CSMD1: variants seen among roughly 807,000 people sequenced by gnomAD.
CSMD1 encodes the protein CUB and sushi domain-containing protein 1.
Under a neutral mutation model 417.5 loss-of-function variants are expected in CSMD1, and 213 were observed. That is an observed-to-expected ratio of 0.51 (90% CI 0.46 to 0.57). The LOEUF is 0.57. Among genes scored for constraint, CSMD1 ranks in the 20% least tolerant of loss-of-function variants. The pLI, the probability that CSMD1 is intolerant of heterozygous loss-of-function variation, is 0.00. For missense variants in CSMD1, 6,923 were observed against 4,529.7 expected, an observed-to-expected ratio of 1.53 and a Z score of -15.17; for synonymous variants, 2,862 against 1,736.8, an observed-to-expected ratio of 1.65 and a Z score of -16.11.
intron 1 of CSMD1, among the ~76,000 whole-genome samples, chr8:4,755,546 G>C (rs1249334156): frequency 2.0e-5 from 3 of 152,010 alleles, no homozygotes; most frequent in Non-Finnish European, 4.4e-5. Context: ...CACCTGTCCT[G>C]ATTTTCTATT....
chr8:3,412,314 C>G (rs1266367677), intron 12 of CSMD1, among the ~76,000 whole-genome samples: 1 of 151,812 alleles, frequency 6.6e-6, no homozygotes, highest in Non-Finnish European at 1.5e-5. Flanking sequence ...GTGCAAGTAT[C>G]TTTTTCATAA....
At chr8:3,910,092 A>G (rs960897262) in intron 5 of CSMD1, among the ~76,000 whole-genome samples, 9 of 152,162 alleles carry the variant, frequency 5.9e-5, no homozygotes, top group Admixed American at 2.6e-4. Context: ...GGCATTGGGG[A>G]AAGGAGAACG....
At chr8:4,600,918 T>C (rs1003786146) in intron 2 of CSMD1, among the ~76,000 whole-genome samples, 1 of 151,936 alleles carries the variant, frequency 6.6e-6, no homozygotes, top group Admixed American at 6.6e-5. Context: ...ATTAAAGTAA[T>C]GTAAAAATGC....
chr8:4,003,116 TGGCGCGGTG>T (rs1815824394), intron 4 of CSMD1, among the ~76,000 whole-genome samples: 1 of 152,156 alleles, frequency 6.6e-6, no homozygotes, highest in Non-Finnish European at 1.5e-5. Context: ...GATACAGGCT[TGGCGCGGTG>T]GCTGATGCCT....
intron 5 of CSMD1, among the ~76,000 whole-genome samples, chr8:3,849,381 A>T (rs1015020895): frequency 2.0e-5 from 3 of 152,164 alleles, no homozygotes; most frequent in Non-Finnish European, 4.4e-5. Flanking sequence ...AGCTGCCATC[A>T]CAGGCGCCAA....
intron 27 of CSMD1, among the ~76,000 whole-genome samples, chr8:3,225,994 C>G (rs770578298): frequency 3.5e-4 from 53 of 152,368 alleles, no homozygotes; most frequent in Admixed American, 9.1e-4. Context: ...CCACTATGCT[C>G]AACAGCACAC....
At chr8:4,657,721 GAA>G (rs566573120) in intron 1 of CSMD1, among the ~76,000 whole-genome samples, 1 of 118,940 alleles carries the variant, frequency 8.4e-6, no homozygotes, top group Non-Finnish European at 1.8e-5. Context: ...CAAAAGAAAT[GAA>G]AAAAAAAAAA....
In CSMD1 at chr8:3,586,275, A is replaced by AAC; in HGVS notation, c.1098-16_1098-15insGT. On this transcript the variant is annotated splice_polypyrimidine_tract_variant and intron_variant, in intron 8 of 69. Transcript: ENST00000635120. ...TTGCACCAACCCTAAGCCGTTAAAA[A>AAC]AGAAAAAAAAAAACCCAAATTATTT... 6.6e-7 allele frequency: 1 copy of AAC among 1,506,890 alleles called. No individual in the cohort carries two copies. The highest frequency in any genetic ancestry group is 8.8e-7 in the Non-Finnish European group (1 of 1,134,356). The allele number at this position is 1,506,890 out of a possible 1,614,324, so 93.3% of individuals were successfully genotyped here.
In CSMD1 at chr8:4,957,142, G is replaced by A. The variant is rs556257222; in HGVS notation, c.85+37190C>T. ...AGAGTAATAAAAGCAAATGAAATCT[G>A]GCAATTAGGTAAAAACAGTTTGTGA... On this transcript the variant is annotated intron_variant, in intron 1 of 69. Transcript: ENST00000635120. 1.8e-4 allele frequency among the ~76,000 whole-genome samples: 28 copies of A among 152,268 alleles called. No homozygotes were observed. In the South Asian group the frequency reaches 3.7e-3, roughly 20 times the overall value.
At chr8:3,649,114 T>G (rs1225548472) in intron 7 of CSMD1, among the ~76,000 whole-genome samples, 3 of 152,210 alleles carry the variant, frequency 2.0e-5, no homozygotes, top group Non-Finnish European at 2.9e-5. Context: ...AGTGATTCAG[T>G]AGCAATACTG....
rs1814139667 is a variant in CSMD1 at position 3,082,031 on chromosome 8, G to C, written c.7474+5066C>G. 2.0e-5 allele frequency among the ~76,000 whole-genome samples: 3 copies of C among 152,122 alleles called. No individual in the cohort carries two copies. In the South Asian group the frequency reaches 6.2e-4, roughly 31 times the overall value. ...GCAATCATGTCCCCCACCAACATAT[G>C]TCATCCCAGATTTATCTCTTCCTTT... On this transcript the variant is annotated intron_variant, in intron 49 of 69. Coordinates refer to ENST00000635120, the MANE Select transcript of CSMD1 (RefSeq NM_033225.6).
At chr8:4,651,506 A>C (rs1289254855) in intron 1 of CSMD1, among the ~76,000 whole-genome samples, 4 of 152,200 alleles carry the variant, frequency 2.6e-5, no homozygotes, top group African/African-American at 9.7e-5. Flanking sequence ...GGATCACAGA[A>C]GAAAAAATAA....
chr8:4,922,123 C>G lies in CSMD1; in HGVS notation c.85+72209G>C, dbSNP rs373538136. Among the ~76,000 whole-genome samples the G allele has an allele frequency of 5.9e-5, 9 of 152,108 alleles. No homozygotes were observed. The South Asian group carries it at 1.7e-3, about 28-fold the overall frequency. ...CAGGAAGTCACTCTGGTGAGATTAC[C>G]CATTGCCTTGCAGGTATCTCCCACC... On this transcript the variant is annotated intron_variant, in intron 1 of 69. Coordinates refer to ENST00000635120, the MANE Select transcript of CSMD1 (RefSeq NM_033225.6).
intron 2 of CSMD1, among the ~76,000 whole-genome samples, chr8:4,459,023 TC>T (rs1799652275): frequency 6.6e-6 from 1 of 152,210 alleles, no homozygotes; most frequent in Admixed American, 6.5e-5. Flanking sequence ...CAGCCTGCTT[TC>T]TTCCCCTTAT....
chr8:4,569,627 G>C (rs1798785983), intron 2 of CSMD1, among the ~76,000 whole-genome samples: 9 of 152,096 alleles, frequency 5.9e-5, no homozygotes, highest in Admixed American at 5.9e-4. Context: ...AGCTATACGG[G>C]CTCTTTTTTG....
intron 68 of CSMD1, among the ~76,000 whole-genome samples, 167 bp downstream of exon 68, chr8:2,949,132 T>A (rs1200014370): frequency 6.7e-6 from 1 of 149,458 alleles, no homozygotes; most frequent in African/African-American, 2.5e-5. Flanking sequence ...GTTTGTGTAT[T>A]TTGCTATTCA....
intron 1 of CSMD1, among the ~76,000 whole-genome samples, chr8:4,777,757 A>C (rs753037618): frequency 2.0e-5 from 3 of 152,202 alleles, no homozygotes; most frequent in Non-Finnish European, 2.9e-5. Context: ...ATACATGCAC[A>C]TGTATCTACA....
chr8:4,380,166 T>G (rs1459043008), intron 3 of CSMD1, among the ~76,000 whole-genome samples: 1 of 152,194 alleles, frequency 6.6e-6, no homozygotes, highest in Non-Finnish European at 1.5e-5. Context: ...GAAGGTGGCA[T>G]GTAACTCCCT....
At chr8:4,250,437 C>G (rs1397831196) in intron 3 of CSMD1, among the ~76,000 whole-genome samples, 1 of 152,080 alleles carries the variant, frequency 6.6e-6, no homozygotes, top group Non-Finnish European at 1.5e-5. Context: ...CCCTGGGGAA[C>G]ATGCGTAATA....
Sources: gnomAD v4.1 joint callset for allele counts (sites outside exome capture counted in the v4.1 genomes callset) on GRCh38, gnomAD v4.1.1 for gene constraint, MANE v1.5 for transcripts, NCBI Gene and HGNC (gene_info 2026-07-23, HGNC 2026-07-21) for gene names.